Variants in UNC5D observed in about 807,000 individuals in gnomAD.
The protein encoded by UNC5D is netrin receptor UNC5D.
A neutral mutation model predicts 105.4 loss-of-function variants in UNC5D; 39 were observed. The observed-to-expected ratio is 0.37, with a 90% CI of 0.29 to 0.48. UNC5D has a LOEUF of 0.48. Among genes scored for constraint, UNC5D ranks in the 20% least tolerant of loss-of-function variants. The pLI is 0.98. For synonymous variants in UNC5D, 452 were observed against 450.4 expected (o/e 1.00, Z -0.04); for missense variants, 991 against 1,202.4 (o/e 0.82, Z 2.60).
intron 1 of UNC5D, among the ~76,000 whole-genome samples, chr8:35,337,550 A>G (rs766422045): frequency 1.4e-4 from 21 of 152,286 alleles, no homozygotes; most frequent in Admixed American, 3.9e-4. Context: ...AGCTTTTCCT[A>G]TCGAGTTAAG....
intron 6 of UNC5D, among the ~76,000 whole-genome samples, chr8:35,686,295 A>T (rs1826005883): frequency 6.6e-6 from 1 of 152,198 alleles, no homozygotes; most frequent in South Asian, 2.1e-4. Flanking sequence ...GGTGCTGGAA[A>T]TATGAATGCT....
chr8:35,421,030 A>T (rs1028621157), intron 1 of UNC5D, among the ~76,000 whole-genome samples: 1 of 152,104 alleles, frequency 6.6e-6, no homozygotes, highest in African/African-American at 2.4e-5. Flanking sequence ...TCCCTTTTTC[A>T]TAGCTTCTAT....
At chr8:35,683,479 C>T in intron 4 of UNC5D, 68 bp from the exon 5 acceptor site, 8 of 1,495,556 alleles carry the variant, frequency 5.3e-6, no homozygotes, top group Non-Finnish European at 7.1e-6. Flanking sequence ...CGAATCTGCT[C>T]ACTTTTCAAT....
chr8:35,430,325 C>A (rs1422179401), intron 1 of UNC5D, among the ~76,000 whole-genome samples: 2 of 151,926 alleles, frequency 1.3e-5, no homozygotes, highest in Non-Finnish European at 2.9e-5. Context: ...GGCTGGCACA[C>A]CCTGAGAGGG....
At chr8:35,487,800 A>G (rs1810931545) in intron 1 of UNC5D, among the ~76,000 whole-genome samples, 1 of 152,168 alleles carries the variant, frequency 6.6e-6, no homozygotes, top group South Asian at 2.1e-4. Flanking sequence ...GTGGACATAA[A>G]AGGAGCTTCT....
intron 3 of UNC5D, among the ~76,000 whole-genome samples, chr8:35,593,832 T>C (rs1460595315): frequency 6.6e-6 from 1 of 152,166 alleles, no homozygotes; most frequent in Non-Finnish European, 1.5e-5. Context: ...TTAAAGTCAC[T>C]CTTGCTCTAT....
intron 7 of UNC5D, among the ~76,000 whole-genome samples, chr8:35,695,625 G>T (rs1563677817): frequency 6.6e-6 from 1 of 152,098 alleles, no homozygotes; most frequent in Non-Finnish European, 1.5e-5. Context: ...AGCAGTTCTT[G>T]CCATATTGAG....
At chr8:35,418,487 G>A (rs1805671767) in intron 1 of UNC5D, among the ~76,000 whole-genome samples, 1 of 152,156 alleles carries the variant, frequency 6.6e-6, no homozygotes, top group Non-Finnish European at 1.5e-5. Context: ...CCTCTTTTCT[G>A]TGTAATATAG....
intron 1 of UNC5D, among the ~76,000 whole-genome samples, chr8:35,425,361 T>C (rs1436290111): frequency 6.6e-6 from 1 of 152,164 alleles, no homozygotes; most frequent in African/African-American, 2.4e-5. Context: ...CTTCAGTCCC[T>C]GGCTAAAGAC....
intron 1 of UNC5D, among the ~76,000 whole-genome samples, chr8:35,503,046 A>G (rs1014925897): frequency 6.6e-6 from 1 of 152,218 alleles, no homozygotes; most frequent in Admixed American, 6.5e-5. Context: ...AGTACAAATC[A>G]GTTATCCCCA....
chr8:35,709,693 T>C (rs147413414), intron 8 of UNC5D, among the ~76,000 whole-genome samples: 17 of 151,870 alleles, frequency 1.1e-4, no homozygotes, highest in African/African-American at 3.9e-4. Context: ...GTCTCAAAAA[T>C]AAAACAAAAT....
chr8:35,318,234 A>G (rs1809451874), intron 1 of UNC5D, among the ~76,000 whole-genome samples: 1 of 151,972 alleles, frequency 6.6e-6, no homozygotes, highest in Admixed American at 6.6e-5. Context: ...ATACTTTGTC[A>G]GGGATTTAGA....
At chr8:35,440,114 C>T (rs1053751403) in intron 1 of UNC5D, among the ~76,000 whole-genome samples, 3 of 152,120 alleles carry the variant, frequency 2.0e-5, no homozygotes, top group Non-Finnish European at 2.9e-5. Context: ...CGCTGGTGAC[C>T]TGTATTGCCA....
Position 35,794,604 on chromosome 8 carries a change from A to C in UNC5D, c.*4041A>C, listed in dbSNP as rs1313731002. ...GTTTTGTCTGCATAGAATTTTCCTG[A>C]ACTACAAGCAAAAATGTATTTTGTC... On this transcript the variant is annotated 3_prime_UTR_variant, in exon 17 of 17. Transcript: ENST00000404895. 1 of 152,644 alleles carries C rather than the reference A, an allele frequency of 6.6e-6. No homozygotes were observed. Among genetic ancestry groups the C allele is most frequent in the African/African-American group, 2.4e-5 (1 of 41,454 alleles). 9.5% of individuals were successfully genotyped at this position (152,644 alleles called of 1,614,324 possible).
chr8:35,305,517 A>G (rs1808269534), intron 1 of UNC5D, among the ~76,000 whole-genome samples: 1 of 151,404 alleles, frequency 6.6e-6, no homozygotes, highest in Admixed American at 6.6e-5. Flanking sequence ...TGATACCAAG[A>G]CTTTTGGGCG....
At chr8:35,248,996 TATA>T (rs1803470268) in intron 1 of UNC5D, among the ~76,000 whole-genome samples, 1 of 85,370 alleles carries the variant, frequency 1.2e-5, no homozygotes, top group Non-Finnish European at 2.1e-5. Context: ...ATATATTATA[TATA>T]AACATATATA....
At chr8:35,275,587 A>G (rs1400220488) in intron 1 of UNC5D, among the ~76,000 whole-genome samples, 1 of 152,022 alleles carries the variant, frequency 6.6e-6, no homozygotes, top group Non-Finnish European at 1.5e-5. Context: ...AATTGTTTTC[A>G]TTATTTGTGG....
At chr8:35,641,712 C>A (rs1822755223) in intron 4 of UNC5D, among the ~76,000 whole-genome samples, 1 of 152,052 alleles carries the variant, frequency 6.6e-6, no homozygotes, top group South Asian at 2.1e-4. Context: ...TTCACAGGAC[C>A]TGTGCAAAAA....
rs953156431 is a variant in UNC5D at position 35,320,882 on chromosome 8, T to C, written c.103+84995T>C. Among the ~76,000 whole-genome samples, 10 of 152,198 alleles carry C rather than the reference T, an allele frequency of 6.6e-5. 1 individual carries two copies. ...GAGTTTTATTTTTGACTTACAAATG[T>C]ATAGCCAGTGACTAACCAATGGTAT... On this transcript the variant is annotated intron_variant, in intron 1 of 16. Transcript: ENST00000404895.
Sources: gnomAD v4.1 joint callset for allele counts (sites outside exome capture counted in the v4.1 genomes callset) on GRCh38, gnomAD v4.1.1 for gene constraint, MANE v1.5 for transcripts, NCBI Gene and HGNC (gene_info 2026-07-23, HGNC 2026-07-21) for gene names.